Variants in MYO7B observed in about 807,000 individuals in gnomAD.
MYO7B encodes myosin VIIB.
In MYO7B, 212 loss-of-function variants were observed where a neutral mutation model predicts 259.7. The observed-to-expected ratio is 0.82, with a 90% CI of 0.73 to 0.91. MYO7B has a LOEUF of 0.91. Ranked by LOEUF, MYO7B falls within the 40% of genes least tolerant of loss-of-function variation. The pLI, the probability that MYO7B is intolerant of heterozygous loss-of-function variation, is 0.00. For synonymous variants in MYO7B, 1,197 were observed against 1,166.4 expected (o/e 1.03, Z -0.54); for missense variants, 2,732 against 2,813.5 (o/e 0.97, Z 0.66).
At position 127,609,412 on chromosome 2, in the gene MYO7B, GCCCCCGTGCTGCC is replaced by G; in HGVS notation, c.2815-92_2815-80del. On this transcript the variant is annotated intron_variant, in intron 22 of 47. Transcript: ENST00000409816. This position sits in a 1 kb window ranked among gnomAD's most constrained non-coding sequence, Gnocchi z 6.9. ...CCTGAGGGATCAGGGTAATGCAACA[GCCCCCGTGCTGCC>G]CGGCCTGCTGGACAGTCAGCTGATG... The G allele has an allele frequency of 8.7e-7, 1 of 1,149,928 alleles. No homozygotes were observed. The highest frequency in any genetic ancestry group is 1.4e-5 in the South Asian group (1 of 69,376). 71.2% of individuals were successfully genotyped at this position (1,149,928 alleles called of 1,614,324 possible). A position where few individuals can be genotyped will look rare whatever the true frequency, so the allele number is the denominator to read the frequency against.
At chr2:127,598,052 A>T (rs1679837741) in intron 19 of MYO7B, among the ~76,000 whole-genome samples, 1 of 152,180 alleles carries the variant, frequency 6.6e-6, no homozygotes, top group Non-Finnish European at 1.5e-5. Context: ...TTTGGCTTTG[A>T]TGAATAAAGC....
chr2:127,609,485 G>C lies in MYO7B; in HGVS notation c.2815-21G>C. ...TTACCTGAAAGCCCTGCTGACCCGT[G>C]TTCTCCCTCAATGGCCGTAGGATCT... On this transcript the variant is annotated intron_variant, in intron 22 of 47. Transcript: ENST00000409816. This position sits in a 1 kb window ranked among gnomAD's most constrained non-coding sequence, Gnocchi z 6.9. 2 of 1,599,352 alleles carry C rather than the reference G, an allele frequency of 1.3e-6. No homozygotes were observed. The highest frequency in any genetic ancestry group is 2.3e-5 in the South Asian group (2 of 88,862).
chr2:127,552,199 G>A (rs759689170), intron 1 of MYO7B, among the ~76,000 whole-genome samples: 4 of 152,118 alleles, frequency 2.6e-5, no homozygotes, highest in Non-Finnish European at 4.4e-5. Context: ...CATAATAATT[G>A]TACATATGTG....
chr2:127,627,732 CTT>C lies in MYO7B; in HGVS notation c.4460+423_4460+424del, dbSNP rs1302433115. On this transcript the variant is annotated intron_variant, in intron 33 of 47. Transcript: ENST00000409816. This position sits in a 1 kb window ranked among gnomAD's most constrained non-coding sequence, Gnocchi z 5.6. ...GGCACAGGGCAGGGCTGGGGGTCCT[CTT>C]AGGCTGGGGCTGACCCCCACTCCCA... 1 of 459,582 alleles carries C rather than the reference CTT, an allele frequency of 2.2e-6. No homozygotes were observed. Among genetic ancestry groups the C allele is most frequent in the Non-Finnish European group, 4.4e-6 (1 of 229,070 alleles). 28.5% of individuals were successfully genotyped at this position (459,582 alleles called of 1,614,324 possible).
chr2:127,561,637 G>A (rs116150195), intron 2 of MYO7B, among the ~76,000 whole-genome samples: 2,169 of 152,270 alleles, frequency 0.014, 47 homozygotes, highest in African/African-American at 0.049. Context: ...CTGCCATAGG[G>A]CATTCCATCT....
chr2:127,571,549 C>T (rs553056303), intron 6 of MYO7B, among the ~76,000 whole-genome samples: 5 of 149,644 alleles, frequency 3.3e-5, no homozygotes, highest in Non-Finnish European at 4.4e-5. Context: ...GGCACGATCT[C>T]GGCTCACTGC....
At position 127,596,461 on chromosome 2, in the gene MYO7B, G is replaced by A; in HGVS notation, c.2245-1G>A. On this transcript the variant is annotated splice_acceptor_variant, in intron 18 of 47. Transcript: ENST00000409816. LOFTEE classifies it high-confidence loss of function. ...CAGTGACGGCGTCTCTCCTGTTCCA[G>A]GATCATCAGGACACTCTGCTGGAGG... is the stretch of plus-strand genomic sequence containing the variant. 6.2e-7 allele frequency: 1 copy of A among 1,612,144 alleles called. No individual in the cohort carries two copies. The highest frequency in any genetic ancestry group is 8.5e-7 in the Non-Finnish European group (1 of 1,178,836).
At position 127,637,706 on chromosome 2, in the gene MYO7B, A is replaced by AT. The variant is rs1217965022; in HGVS notation, c.*290dup. On this transcript the variant is annotated 3_prime_UTR_variant, in exon 48 of 48. Coordinates refer to ENST00000409816, the MANE Select transcript of MYO7B (RefSeq NM_001393586.1). ...CCACCCCACCCCACCAGAATGTTCAATAAAAACTCCTGGAGCAGGAGAAGT... is the reference window on the plus strand; with the variant it reads ...CCACCCCACCCCACCAGAATGTTCAATTAAAAACTCCTGGAGCAGGAGAAGT... The AT allele has an allele frequency of 5.6e-6, 2 of 357,340 alleles. No individual in the cohort carries two copies. The highest frequency in any genetic ancestry group is 8.5e-5 in the East Asian group (2 of 23,562). The allele number at this position is 357,340 out of a possible 1,614,324, so 22.1% of individuals were successfully genotyped here.
intron 9 of MYO7B, 128 bp from the exon 10 acceptor site, chr2:127,580,618 C>T (rs138568479): frequency 5.5e-5 from 47 of 855,618 alleles, no homozygotes; most frequent in African/African-American, 4.1e-4. Flanking sequence ...TGGGAGAGAC[C>T]GTGGCTTACG....
Position 127,608,747 on chromosome 2 carries a change from G to A in MYO7B, c.2683G>A (p.Gly895Ser). The A allele has an allele frequency of 6.2e-7, 1 of 1,613,270 alleles. No homozygotes were observed. The highest frequency in any genetic ancestry group is 8.5e-7 in the Non-Finnish European group (1 of 1,179,666). ...VIPAEGQKSQ[G>S]ALPAKKRRSI... ...CCCGGCCGAGGGGCAGAAAAGCCAA[G>A]GCGCTCTCCCTGCCAAGAAGCGCAG... Residue 895 changes from glycine to serine, a missense_variant, in exon 22 of 48, where the codon GGC (glycine) becomes AGC (serine). Physicochemically the swap from Gly to Ser is moderately conservative, Grantham distance 56. Around this residue, in one of 3 missense-constraint regions of MYO7B, gnomAD observed 1,906 missense variants for 2,026.4 expected, o/e 0.94. Coordinates refer to ENST00000409816, the MANE Select transcript of MYO7B (RefSeq NM_001393586.1).
chr2:127,622,149 C>T (rs1389253363), intron 28 of MYO7B, 48 bp downstream of exon 28: 5 of 1,516,092 alleles, frequency 3.3e-6, no homozygotes, highest in Non-Finnish European at 4.4e-6. Context: ...TGGTGCAGAC[C>T]CCCAGGGACC....
In MYO7B at chr2:127,615,670, A is replaced by C. The variant is rs1362972692; in HGVS notation, c.3398+3067A>C. On this transcript the variant is annotated intron_variant, in intron 26 of 47. Transcript: ENST00000409816. This position sits in a 1 kb window ranked among gnomAD's most constrained non-coding sequence, Gnocchi z 4.4. ...TTCTGGGCGGTAGACGCGGTTTGTC[A>C]GTTGGCCAACATTCTGCTTTTATGA... 2.0e-5 allele frequency among the ~76,000 whole-genome samples: 3 copies of C among 151,880 alleles called. No individual in the cohort carries two copies. The highest frequency in any genetic ancestry group is 7.3e-5 in the African/African-American group (3 of 41,340).
At chr2:127,553,943 T>C (rs941076587) in intron 1 of MYO7B, among the ~76,000 whole-genome samples, 5 of 152,212 alleles carry the variant, frequency 3.3e-5, no homozygotes, top group Non-Finnish European at 7.3e-5. Context: ...TGTATGCCGA[T>C]TTTGCTAAGG....
chr2:127,545,910 G>C (rs1280676595), intron 1 of MYO7B, among the ~76,000 whole-genome samples: 1 of 152,194 alleles, frequency 6.6e-6, no homozygotes, highest in African/African-American at 2.4e-5. Context: ...TCCAACTGGG[G>C]CCCACTGACC....
intron 1 of MYO7B, among the ~76,000 whole-genome samples, chr2:127,545,428 G>C (rs10460269): frequency 7.2e-5 from 11 of 152,026 alleles, no homozygotes; most frequent in African/African-American, 2.7e-4. Context: ...GTGAGCAGCC[G>C]CATGCTGGGA....
chr2:127,628,548 G>A lies in MYO7B; in HGVS notation c.4624+13G>A. On this transcript the variant is annotated intron_variant, in intron 34 of 47. Coordinates refer to ENST00000409816, the MANE Select transcript of MYO7B (RefSeq NM_001393586.1). The surrounding 1 kb of genome is among the most constrained non-coding windows in gnomAD (Gnocchi z 4.8). ...AGGAAGGCCACAGGTGCCAGACTGG[G>A]TGGGGTGGGGTGGGGTGGGGTGGGG... The A allele has an allele frequency of 4.9e-6, 2 of 410,874 alleles. No homozygotes were observed. The highest frequency in any genetic ancestry group is 6.2e-6 in the Non-Finnish European group (2 of 323,210). The allele number at this position is 410,874 out of a possible 1,614,324, so 25.5% of individuals were successfully genotyped here.
chr2:127,596,282 G>A (rs1230949824), intron 18 of MYO7B, among the ~76,000 whole-genome samples, 180 bp from the exon 19 acceptor site: 1 of 152,164 alleles, frequency 6.6e-6, no homozygotes, highest in Non-Finnish European at 1.5e-5. Context: ...TGGGGTGGGA[G>A]GTATAGTTGC....
intron 17 of MYO7B, 122 bp downstream of exon 17, chr2:127,593,068 G>T: frequency 3.9e-6 from 5 of 1,293,358 alleles, no homozygotes; most frequent in Non-Finnish European, 5.3e-6. Context: ...GCCTTGCGAT[G>T]AGCCCTGTCC....
At chr2:127,632,964 G>A (rs1681600651) in intron 39 of MYO7B, among the ~76,000 whole-genome samples, 1 of 152,180 alleles carries the variant, frequency 6.6e-6, no homozygotes, top group Admixed American at 6.5e-5. Context: ...CCCCTGTTGT[G>A]CGAGAATAAG....
Sources: gnomAD v4.1 joint callset for allele counts (sites outside exome capture counted in the v4.1 genomes callset) on GRCh38, gnomAD v4.1.1 for gene constraint, gnomAD v4.1.1 regional missense constraint, Gnocchi (gnomAD v3.1) non-coding constraint, MANE v1.5 for transcripts, NCBI Gene and HGNC (gene_info 2026-07-23, HGNC 2026-07-21) for gene names.